Variants in IRAK1BP1 observed in about 807,000 individuals in gnomAD.
The protein encoded by IRAK1BP1 is interleukin 1 receptor associated kinase 1 binding protein 1, also known as interleukin-1 receptor-associated kinase 1-binding protein 1.
A neutral mutation model predicts 28.0 loss-of-function variants in IRAK1BP1; 24 were observed. The observed-to-expected ratio is 0.86, with a 90% confidence interval of 0.62 to 1.20. The LOEUF (loss-of-function observed/expected upper bound fraction) is 1.20, where lower values mean the gene tolerates loss of function less well. IRAK1BP1 is among the 50% of genes most tolerant of loss of function. The probability of loss-of-function intolerance (pLI) is 0.00; values close to 1 mark genes in which losing one functional copy is unlikely to be tolerated. For missense variants in IRAK1BP1, 336 were observed against 316.7 expected (o/e 1.06, Z -0.46); for synonymous variants, 131 against 116.3 (o/e 1.13, Z -0.81).
rs764865912 is a variant in IRAK1BP1 at position 78,877,911 on chromosome 6, A to G, written c.316-7467A>G. Among the ~76,000 whole-genome samples, 7 of 151,860 alleles carry G rather than the reference A, an allele frequency of 4.6e-5. 1 individual carries two copies. The highest frequency in any genetic ancestry group is 7.4e-5 in the Non-Finnish European group (5 of 67,956). Reference sequence around the variant, plus strand: ...CTTGCTGCTAGCACAGCAGTCTGATATCGAACTGTAAGGCAGCAGTGAGGG... The same window carrying G: ...CTTGCTGCTAGCACAGCAGTCTGATGTCGAACTGTAAGGCAGCAGTGAGGG... On this transcript the variant is annotated intron_variant, in intron 1 of 3. Coordinates refer to ENST00000369940, the MANE Select transcript of IRAK1BP1 (RefSeq NM_001010844.4).
At chr6:78,871,139 A>T (rs1770779204) in intron 1 of IRAK1BP1, among the ~76,000 whole-genome samples, 1 of 151,974 alleles carries the variant, frequency 6.6e-6, no homozygotes, top group Non-Finnish European at 1.5e-5. Flanking sequence ...ATCCAAGATC[A>T]AGGAGCCAGT....
At chr6:78,897,794 G>C in intron 2 of IRAK1BP1, 35 bp from the exon 3 acceptor site, 1 of 1,590,980 alleles carries the variant, frequency 6.3e-7, no homozygotes, top group Non-Finnish European at 8.6e-7. Context: ...CAGTACATCA[G>C]ACATGAAAAT....
chr6:78,929,661 G>T (rs887483973), intron 4 of IRAK1BP1, among the ~76,000 whole-genome samples: 1 of 152,088 alleles, frequency 6.6e-6, no homozygotes, highest in African/African-American at 2.4e-5. Flanking sequence ...ACTTGCTCAT[G>T]TACCCTCTGA....
At chr6:78,967,534 G>A in the IRAK1BP1 span, among the ~76,000 whole-genome samples, 98 of 152,314 alleles carry the variant, frequency 6.4e-4, 1 homozygote, top group South Asian at 8.1e-3. Context: ...ATACATTTCC[G>A]AGGAGGGGCT....
intron 2 of IRAK1BP1, among the ~76,000 whole-genome samples, chr6:78,896,545 G>A (rs564484712): frequency 1.7e-4 from 26 of 152,268 alleles, no homozygotes; most frequent in Admixed American, 5.2e-4. Flanking sequence ...ATCAGTAGTT[G>A]CCAGGGTTTA....
chr6:78,912,583 G>T (rs1772455973), intron 4 of IRAK1BP1, among the ~76,000 whole-genome samples: 1 of 152,126 alleles, frequency 6.6e-6, no homozygotes, highest in South Asian at 2.1e-4. Flanking sequence ...GTGAGCTGCA[G>T]TGATACAAAG....
chr6:78,868,776 C>T lies in IRAK1BP1; in HGVS notation c.315+885C>T, dbSNP rs75616435. Among the ~76,000 whole-genome samples the T allele has an allele frequency of 2.4e-3, 362 of 152,132 alleles. 1 individual carries two copies. Among genetic ancestry groups the T allele is most frequent in the African/African-American group, 8.4e-3 (347 of 41,514 alleles). ...GAATGTAAGTTGCTTCCAATTCTGCCGATAATTAGAATGAAAGAAAATTAG... is the reference window on the plus strand; with the variant it reads ...GAATGTAAGTTGCTTCCAATTCTGCTGATAATTAGAATGAAAGAAAATTAG... On this transcript the variant is annotated intron_variant, in intron 1 of 3. Coordinates refer to ENST00000369940, the MANE Select transcript of IRAK1BP1 (RefSeq NM_001010844.4).
intron 2 of IRAK1BP1, among the ~76,000 whole-genome samples, chr6:78,897,107 G>A (rs1052243292): frequency 1.3e-5 from 2 of 151,344 alleles, no homozygotes; most frequent in African/African-American, 4.9e-5. Context: ...TTTTTAATTA[G>A]CTGGGCATGG....
At chr6:78,933,474 G>A (rs1416168416) in intron 4 of IRAK1BP1, among the ~76,000 whole-genome samples, 1 of 152,090 alleles carries the variant, frequency 6.6e-6, no homozygotes, top group Non-Finnish European at 1.5e-5. Context: ...AATTAGCCAG[G>A]CATGGTGGCA....
the IRAK1BP1 span, among the ~76,000 whole-genome samples, chr6:78,972,385 C>G: frequency 6.6e-6 from 1 of 152,164 alleles, no homozygotes; most frequent in African/African-American, 2.4e-5. Context: ...TGTACATCAC[C>G]ATCATCAAAG....
At chr6:78,975,110 T>C in the IRAK1BP1 span, among the ~76,000 whole-genome samples, 2 of 151,766 alleles carry the variant, frequency 1.3e-5, no homozygotes, top group Admixed American at 6.6e-5. Context: ...TGAACATTGA[T>C]GCAAAAATCC....
intron 4 of IRAK1BP1, among the ~76,000 whole-genome samples, chr6:78,910,304 A>G (rs917865917): frequency 2.6e-5 from 4 of 152,188 alleles, no homozygotes; most frequent in African/African-American, 9.7e-5. Context: ...TTTCCTCTGC[A>G]TAAAAAACGC....
At chr6:78,959,805 CAACT>C in the IRAK1BP1 span, among the ~76,000 whole-genome samples, 1 of 152,122 alleles carries the variant, frequency 6.6e-6, no homozygotes, top group Non-Finnish European at 1.5e-5. Context: ...AGATGTTCCT[CAACT>C]AACGATGGTG....
At chr6:78,878,421 C>T (rs565406588) in intron 1 of IRAK1BP1, among the ~76,000 whole-genome samples, 5 of 152,184 alleles carry the variant, frequency 3.3e-5, no homozygotes, top group Non-Finnish European at 4.4e-5. Context: ...TCCAACAGAC[C>T]TGCAGCTAAG....
At chr6:78,978,861 G>T in the IRAK1BP1 span, 1 of 526,668 alleles carries the variant, frequency 1.9e-6, no homozygotes, top group Non-Finnish European at 3.0e-6. Context: ...GTGTATCCAT[G>T]GGTTCCACAT....
intron 4 of IRAK1BP1, among the ~76,000 whole-genome samples, chr6:78,934,135 T>TG (rs1156771517): frequency 1.3e-5 from 2 of 152,158 alleles, no homozygotes; most frequent in African/African-American, 4.8e-5. Flanking sequence ...GAGGGGGGAA[T>TG]GGCCATTTAT....
intron 4 of IRAK1BP1, among the ~76,000 whole-genome samples, chr6:78,926,753 A>C (rs1772901324): frequency 6.6e-6 from 1 of 151,928 alleles, no homozygotes; most frequent in Non-Finnish European, 1.5e-5. Context: ...CCATGAATTC[A>C]GCTGTTTTTA....
At chr6:78,870,013 G>A (rs1770736011) in intron 1 of IRAK1BP1, among the ~76,000 whole-genome samples, 1 of 150,196 alleles carries the variant, frequency 6.7e-6, no homozygotes, top group Non-Finnish European at 1.5e-5. Flanking sequence ...TGAGGCTGAG[G>A]CAGGAGAATT....
At chr6:78,960,982 T>C in the IRAK1BP1 span, among the ~76,000 whole-genome samples, 3 of 152,210 alleles carry the variant, frequency 2.0e-5, no homozygotes, top group South Asian at 2.1e-4. Flanking sequence ...AATTAAATTG[T>C]TGGACTGCTA....
Sources: allele counts gnomAD v4.1 joint callset (sites outside exome capture counted in the v4.1 genomes callset), GRCh38; gene constraint gnomAD v4.1.1; transcripts MANE v1.5; gene names NCBI Gene and HGNC (gene_info 2026-07-23, HGNC 2026-07-21).